The following NRCAM variants were observed in gnomAD, a reference collection of about 807,000 sequenced individuals.
NRCAM encodes neuronal cell adhesion molecule, also known as NgCAM-related cell adhesion molecule.
NRCAM carries 83 observed loss-of-function variants against 156.5 expected under a neutral mutation model. The ratio of observed to expected loss-of-function variants is 0.53; its 90% CI spans 0.44 to 0.64. NRCAM has a LOEUF of 0.64. Ranked by LOEUF, NRCAM falls within the 30% of genes least tolerant of loss-of-function variation. NRCAM has a pLI of 0.00. For synonymous variants in NRCAM, 538 were observed against 563.9 expected (o/e 0.95, Z 0.65); for missense variants, 1,417 against 1,597.3 (o/e 0.89, Z 1.92).
chr7:108,265,920 T>C lies in NRCAM; in HGVS notation c.-106-25750A>G, dbSNP rs145587351. On this transcript the variant is annotated intron_variant, in intron 3 of 32. Transcript: ENST00000379028. Reference sequence around the variant, plus strand: ...GCTAAATGAAAGCTGAAAAAGAAAATTGGTGAATGAGAAAGCCAGTGGTCA... The same window carrying C: ...GCTAAATGAAAGCTGAAAAAGAAAACTGGTGAATGAGAAAGCCAGTGGTCA... Among the ~76,000 whole-genome samples, 1,002 of 152,254 alleles carry C rather than the reference T, an allele frequency of 6.6e-3. 9 individuals carry two copies. Among genetic ancestry groups the C allele is most frequent in the African/African-American group, 0.022 (918 of 41,552 alleles).
intron 2 of NRCAM, among the ~76,000 whole-genome samples, chr7:108,386,925 G>A (rs2099742523): frequency 6.6e-6 from 1 of 151,832 alleles, no homozygotes; most frequent in Non-Finnish European, 1.5e-5. Context: ...TTCTTTTTTT[G>A]AAGATTTTCA....
chr7:108,426,764 GT>G (rs1817798263), intron 1 of NRCAM, among the ~76,000 whole-genome samples: 1 of 152,176 alleles, frequency 6.6e-6, no homozygotes, highest in Non-Finnish European at 1.5e-5. Flanking sequence ...TCAAATATCT[GT>G]AAAACCAGAC....
At chr7:108,158,632 T>C (rs959284637) in intron 32 of NRCAM, among the ~76,000 whole-genome samples, 22 of 152,210 alleles carry the variant, frequency 1.4e-4, no homozygotes, top group Admixed American at 1.1e-3. Flanking sequence ...GCTTAATGCA[T>C]ATTTAAAAGG....
intron 9 of NRCAM, 35 bp downstream of exon 9, chr7:108,226,173 C>A: frequency 6.8e-7 from 1 of 1,471,456 alleles, no homozygotes; most frequent in South Asian, 1.2e-5. Context: ...TTGTAAATGT[C>A]ATTGAAGGGG....
At chr7:108,351,253 C>T (rs183378464) in intron 2 of NRCAM, among the ~76,000 whole-genome samples, 21 of 152,284 alleles carry the variant, frequency 1.4e-4, no homozygotes, top group African/African-American at 5.1e-4. Flanking sequence ...AGGCCTTTAC[C>T]AGATGCAGGC....
chr7:108,408,672 A>C (rs1791483428), intron 1 of NRCAM, among the ~76,000 whole-genome samples: 1 of 152,210 alleles, frequency 6.6e-6, no homozygotes, highest in Non-Finnish European at 1.5e-5. Context: ...ATATGTCTTT[A>C]CTCCGTTACT....
intron 3 of NRCAM, chr7:108,243,212 C>T (rs1239029922): frequency 1.3e-5 from 2 of 152,098 alleles, no homozygotes; most frequent in African/African-American, 2.4e-5. Flanking sequence ...TGGTCCAGCC[C>T]GTCCTCTGGC....
intron 2 of NRCAM, among the ~76,000 whole-genome samples, chr7:108,366,495 G>A (rs927908709): frequency 1.3e-5 from 2 of 152,160 alleles, no homozygotes; most frequent in Admixed American, 6.5e-5. Flanking sequence ...TGAAAGACTA[G>A]CTCCACATCA....
intron 20 of NRCAM, among the ~76,000 whole-genome samples, chr7:108,187,102 G>T (rs1396299297): frequency 3.3e-5 from 5 of 152,208 alleles, no homozygotes; most frequent in Non-Finnish European, 7.4e-5. Flanking sequence ...CACAGTTTGG[G>T]AACCATGGTC....
At chr7:108,203,920 A>G (rs1364315173) in intron 13 of NRCAM, among the ~76,000 whole-genome samples, 1 of 152,186 alleles carries the variant, frequency 6.6e-6, no homozygotes, top group African/African-American at 2.4e-5. Context: ...TGATGAAGGC[A>G]AGGAGTCTTC....
At chr7:108,178,154 G>A (rs1586626802) in intron 25 of NRCAM, 42 bp from the exon 26 acceptor site, 1 of 1,591,490 alleles carries the variant, frequency 6.3e-7, no homozygotes, top group East Asian at 2.3e-5. Context: ...ATTTCTGAAT[G>A]TTTCAACATG....
chr7:108,325,069 A>G (rs2099053373), intron 2 of NRCAM, among the ~76,000 whole-genome samples: 1 of 152,012 alleles, frequency 6.6e-6, no homozygotes, highest in Non-Finnish European at 1.5e-5. Context: ...AGGTAGCGGC[A>G]AGGGCTACTA....
intron 1 of NRCAM, among the ~76,000 whole-genome samples, chr7:108,403,767 C>T (rs1427129715): frequency 6.6e-6 from 1 of 152,186 alleles, no homozygotes; most frequent in East Asian, 1.9e-4. Flanking sequence ...GTTTGAGAAA[C>T]ATATTGCAAA....
At chr7:108,418,509 G>A (rs560814310) in intron 1 of NRCAM, among the ~76,000 whole-genome samples, 1 of 151,588 alleles carries the variant, frequency 6.6e-6, no homozygotes, top group African/African-American at 2.4e-5. Context: ...GCATTGGCCT[G>A]ACCACACACT....
chr7:108,338,290 C>T (rs2099229100), intron 2 of NRCAM, among the ~76,000 whole-genome samples: 1 of 152,238 alleles, frequency 6.6e-6, no homozygotes, highest in South Asian at 2.1e-4. Context: ...CTCCTTACCT[C>T]TGAATCTACT....
At chr7:108,353,159 A>G (rs191480431) in intron 2 of NRCAM, among the ~76,000 whole-genome samples, 1 of 151,860 alleles carries the variant, frequency 6.6e-6, no homozygotes, top group Admixed American at 6.6e-5. Flanking sequence ...CTTGAACATC[A>G]TAACAACCTC....
intron 2 of NRCAM, among the ~76,000 whole-genome samples, chr7:108,353,538 C>T (rs1055516349): frequency 6.6e-6 from 1 of 152,006 alleles, no homozygotes; most frequent in Non-Finnish European, 1.5e-5. Context: ...CTAGGCTGGT[C>T]TTGAACTCCT....
intron 2 of NRCAM, among the ~76,000 whole-genome samples, chr7:108,358,139 G>A (rs969082505): frequency 1.3e-5 from 2 of 151,744 alleles, no homozygotes; most frequent in Non-Finnish European, 2.9e-5. Context: ...GCTAGCTGGC[G>A]GCTCACACCT....
chr7:108,396,006 C>A (rs373283074), intron 2 of NRCAM, among the ~76,000 whole-genome samples: 8 of 152,306 alleles, frequency 5.3e-5, no homozygotes, highest in South Asian at 2.1e-4. Flanking sequence ...GCGATACACA[C>A]GGCAAACACT....
Sources: allele counts gnomAD v4.1 joint callset (sites outside exome capture counted in the v4.1 genomes callset), GRCh38; gene constraint gnomAD v4.1.1; transcripts MANE v1.5; gene names NCBI Gene and HGNC (gene_info 2026-07-23, HGNC 2026-07-21).